ZAN: variants seen among roughly 807,000 people sequenced by gnomAD.
The protein encoded by ZAN is zonadhesin.
Under a neutral mutation model 286.2 loss-of-function variants are expected in ZAN, and 260 were observed. The ratio of observed to expected loss-of-function variants is 0.91; its 90% CI spans 0.82 to 1.01. The LOEUF (loss-of-function observed/expected upper bound fraction) is 1.01. ZAN is among the 50% of genes least tolerant of loss of function. The probability of loss-of-function intolerance (pLI) is 0.00; values close to 1 mark genes in which losing one functional copy is unlikely to be tolerated. For synonymous variants in ZAN, 1,368 were observed against 1,417.5 expected (o/e 0.97, Z 0.79); for missense variants, 3,410 against 3,639.2 (o/e 0.94, Z 1.62).
Position 100,787,897 on chromosome 7 carries a change from C to T in ZAN, c.6988C>T (p.Gln2330Ter). 3.2e-6 allele frequency: 5 copies of T among 1,559,222 alleles called. No individual in the cohort carries two copies. Among genetic ancestry groups the T allele is most frequent in the Non-Finnish European group, 4.4e-6 (5 of 1,143,900 alleles). The change falls in exon 38 of 48, where the codon CAA becomes TAA. Residue 2330 changes from glutamine (Q) to a stop codon, truncating the protein, a stop_gained. Coordinates refer to ENST00000613979, the MANE Select transcript of ZAN (RefSeq NM_003386.3). LOFTEE classifies it high-confidence loss of function. ...NSNCVSDKSE[Q>*]CSVYGDPRYL... is the part of the protein sequence containing the mutation. ...GTCTGACTTCTTGGCAGAGTCTGAA[C>T]AATGCTCAGTCTATGGCGACCCCCG... is the stretch of plus-strand genomic sequence containing the variant.
In ZAN at chr7:100,762,752, T is replaced by C. The variant is rs117223725; in HGVS notation, c.3986+394T>C. ...CCAGCCCTCCACCCGCCCTTTTTTT[T>C]TTTTTGAGATGGGATCTCCCTCTGT... On this transcript the variant is annotated intron_variant, in intron 20 of 47. Coordinates refer to ENST00000613979, the MANE Select transcript of ZAN (RefSeq NM_003386.3). Among the ~76,000 whole-genome samples, 925 of 151,216 alleles carry C rather than the reference T, an allele frequency of 6.1e-3. 41 individuals carry two copies. The highest frequency in any genetic ancestry group is 0.054 in the Admixed American group (821 of 15,134).
rs1339174397 is a variant in ZAN, at chr7:100,763,175, G to T, written c.3987-631G>T. On this transcript the variant is annotated intron_variant, in intron 20 of 47. Coordinates refer to ENST00000613979, the MANE Select transcript of ZAN (RefSeq NM_003386.3). This position sits in a 1 kb window ranked among gnomAD's most constrained non-coding sequence, Gnocchi z 4.6. ...AGACGGGGTTTCATCATGTTGGCCA[G>T]GCTGGTTTCGAACTCCTGACCTCAG... is the stretch of plus-strand genomic sequence containing the variant. 1.3e-5 allele frequency among the ~76,000 whole-genome samples: 2 copies of T among 151,990 alleles called. No individual in the cohort carries two copies. Among genetic ancestry groups the T allele is most frequent in the Non-Finnish European group, 2.9e-5 (2 of 68,008 alleles).
chr7:100,765,274 C>T (rs986585662), intron 22 of ZAN, 78 bp from the exon 23 acceptor site: 9 of 1,492,294 alleles, frequency 6.0e-6, no homozygotes, highest in South Asian at 2.5e-5. Context: ...GGGGCCCTTC[C>T]GAACGTGTCC....
At chr7:100,777,512 G>A (rs117054545) in intron 34 of ZAN, among the ~76,000 whole-genome samples, 2,786 of 152,000 alleles carry the variant, frequency 0.018, 28 homozygotes, top group Middle Eastern at 0.034. Context: ...ACACCACCAC[G>A]CCCCACGTCT....
Position 100,794,166 on chromosome 7 carries a change from G to C in ZAN, c.8033G>C (p.Cys2678Ser). ...GAGGACTGCTCTCAGCGGTGCACCT[G>C]TGCCAGCTCACGGATCCTGCTGTGT... ...LTEDCSQRCT[C>S]ASSRILLCEP... The change falls in exon 44 of 48, where the codon TGT (cysteine) becomes TCT (serine). Residue 2678 changes from cysteine (C) to serine (S), a missense_variant. Cys to Ser is a moderately radical substitution (Grantham distance 112). Coordinates refer to ENST00000613979, the MANE Select transcript of ZAN (RefSeq NM_003386.3). The C allele has an allele frequency of 6.2e-7, 1 of 1,614,034 alleles. No homozygotes were observed. The highest frequency in any genetic ancestry group is 8.5e-7 in the Non-Finnish European group (1 of 1,179,896).
At position 100,797,443 on chromosome 7, in the gene ZAN, A is replaced by C. The variant is rs1248308785; in HGVS notation, c.8344A>C (p.Ile2782Leu). ...ACTACTGGCCGTGACCAGAGAGTGC[A>C]TTTACAGAACGAGGAGGAAGAGGTG... is the stretch of plus-strand genomic sequence containing the variant. ...VVLLAVTREC[I>L]YRTRRKREKT... is the part of the protein sequence containing the mutation. Residue 2782 changes from isoleucine to leucine, a missense_variant, in exon 46 of 48, where the codon ATT becomes CTT. Physicochemically the swap from Ile to Leu is conservative, Grantham distance 5. This residue lies in a region of ZAN where 1,289 missense variants were observed against 1,314.3 expected (regional missense o/e 0.98). Transcript: ENST00000613979. 1.2e-6 allele frequency: 2 copies of C among 1,613,714 alleles called. No individual in the cohort carries two copies. The highest frequency in any genetic ancestry group is 2.7e-5 in the African/African-American group (2 of 74,882).
intron 29 of ZAN, among the ~76,000 whole-genome samples, chr7:100,772,766 A>T (rs1206312177): frequency 6.6e-6 from 1 of 150,778 alleles, no homozygotes; most frequent in East Asian, 2.0e-4. Flanking sequence ...GCTTGCAGTG[A>T]CCCAAGATCA....
rs1324326815 is a variant in ZAN, at chr7:100,753,010, C to G, written c.2905C>G (p.Pro969Ala). Residue 969 changes from proline to alanine, a missense_variant, in exon 14 of 48, where the codon CCC becomes GCC. Physicochemically the swap from Pro to Ala is conservative, Grantham distance 27. Around this residue, in one of 7 missense-constraint regions of ZAN, gnomAD observed 1,042 missense variants for 1,058.0 expected, o/e 0.98. Transcript: ENST00000613979. Reference sequence around the variant, plus strand: ...AAAACCCACCATCTCCACGGAAAAACCCACCATCCCCACGGAAAAACTTAC... The same window carrying G: ...AAAACCCACCATCTCCACGGAAAAAGCCACCATCCCCACGGAAAAACTTAC... ...TEKPTISTEK[P>A]TIPTEKLTIP... 3.7e-6 allele frequency: 6 copies of G among 1,609,574 alleles called. No homozygotes were observed. In the South Asian group the frequency reaches 6.6e-5, roughly 18 times the overall value.
Position 100,793,921 on chromosome 7 carries a change from G to T in ZAN, c.7889G>T (p.Arg2630Leu), listed in dbSNP as rs181220473. 1.2e-6 allele frequency: 2 copies of T among 1,613,968 alleles called. No homozygotes were observed. Among genetic ancestry groups the T allele is most frequent in the Non-Finnish European group, 1.7e-6 (2 of 1,179,896 alleles). ...CCCCGGGGACTGCGAGGGCCCCTGC[G>T]TGGAAGGCTGCGCCAGCATCCCAGG... Reference protein sequence around the residue: ...GRPRGLRGPLRGRLRQHPRLC... With the variant: ...GRPRGLRGPLLGRLRQHPRLC... Residue 2630 changes from arginine to leucine, a missense_variant, in exon 43 of 48, where the codon CGT becomes CTT. By Grantham distance (102) the Arg-to-Leu change is moderately radical (BLOSUM62 -2). Around this residue, in one of 7 missense-constraint regions of ZAN, gnomAD observed 1,289 missense variants for 1,314.3 expected, o/e 0.98. Coordinates refer to ENST00000613979, the MANE Select transcript of ZAN (RefSeq NM_003386.3).
Position 100,784,654 on chromosome 7 carries a change from C to T in ZAN, c.6654C>T (p.Thr2218=). 6.2e-7 allele frequency: 1 copy of T among 1,613,974 alleles called. No homozygotes were observed. Among genetic ancestry groups the T allele is most frequent in the Non-Finnish European group, 8.5e-7 (1 of 1,179,884 alleles). ...PLECPAYSSY[T]NCLPSCSPSC... ...AATGCCCTGCCTACAGCAGCTACAC[C>T]AACTGCCTTCCCTCCTGCTCACCCT... Residue 2218 remains threonine, a synonymous_variant, in exon 36 of 48, where the codon ACC becomes ACT. Transcript: ENST00000613979.
At chr7:100,748,552 A>T in intron 11 of ZAN, 82 bp downstream of exon 11, 1 of 1,520,034 alleles carries the variant, frequency 6.6e-7, no homozygotes, top group Non-Finnish European at 8.9e-7. Context: ...GACTGATGGG[A>T]GACGTTGTTT....
At chr7:100,747,024 C>A (rs1474364727) in intron 8 of ZAN, among the ~76,000 whole-genome samples, 1 of 151,890 alleles carries the variant, frequency 6.6e-6, no homozygotes, top group African/African-American at 2.4e-5. Flanking sequence ...GCGGAGGTTG[C>A]AGTGAGCCGA....
At position 100,768,968 on chromosome 7, in the gene ZAN, G is replaced by A. The variant is rs143288050; in HGVS notation, c.5153+247G>A. On this transcript the variant is annotated intron_variant, in intron 27 of 47. Coordinates refer to ENST00000613979, the MANE Select transcript of ZAN (RefSeq NM_003386.3). Reference sequence around the variant, plus strand: ...AGTGATCTCTTTGGAGGGCCCACTTGGGAAGTTCACCCTGAGGTCTAGCCT... The same window carrying A: ...AGTGATCTCTTTGGAGGGCCCACTTAGGAAGTTCACCCTGAGGTCTAGCCT... 5.9e-3 allele frequency among the ~76,000 whole-genome samples: 894 copies of A among 152,250 alleles called. 4 individuals carry two copies. Among genetic ancestry groups the A allele is most frequent in the African/African-American group, 0.019 (786 of 41,540 alleles).
Position 100,736,794 on chromosome 7 carries a change from C to T in ZAN, c.254-15C>T. On this transcript the variant is annotated splice_polypyrimidine_tract_variant and intron_variant, in intron 4 of 47. Transcript: ENST00000613979. ...GGTGGCTGGGCCTCAGTGTCTTGGG[C>T]TCTGCCTCCCCCAGAGGGCAGCTAT... 6.8e-7 allele frequency: 1 copy of T among 1,464,866 alleles called. No individual in the cohort carries two copies. 90.7% of individuals were successfully genotyped at this position (1,464,866 alleles called of 1,614,324 possible).
Position 100,767,025 on chromosome 7 carries a change from C to T in ZAN, c.4628C>T (p.Thr1543Ile), listed in dbSNP as rs1365206642. 1 of 1,613,880 alleles carries T rather than the reference C, an allele frequency of 6.2e-7. No homozygotes were observed. The highest frequency in any genetic ancestry group is 8.5e-7 in the Non-Finnish European group (1 of 1,179,838). ...TTCTCCACAGGTGCCGCCACCTGCA[C>T]AGCCTCGGGTGACCCCCACTACCTG... ...GCHAQGAATC[T>I]ASGDPHYLTF... The change falls in exon 25 of 48, where the codon ACA becomes ATA. Residue 1543 changes from threonine (T) to isoleucine (I), a missense_variant. Coordinates refer to ENST00000613979, the MANE Select transcript of ZAN (RefSeq NM_003386.3).
Position 100,795,193 on chromosome 7 carries a change from C to A in ZAN, c.8126-3C>A. 1.2e-6 allele frequency: 2 copies of A among 1,606,740 alleles called. No individual in the cohort carries two copies. Among genetic ancestry groups the A allele is most frequent in the Non-Finnish European group, 1.7e-6 (2 of 1,176,616 alleles). ...CCTCCCACAACCCTCTCTGTCCTTGCAGAAAGCCCGTGTCTGCAGAACCCC... is the reference window on the plus strand; with the variant it reads ...CCTCCCACAACCCTCTCTGTCCTTGAAGAAAGCCCGTGTCTGCAGAACCCC... On this transcript the variant is annotated splice_region_variant and splice_polypyrimidine_tract_variant and intron_variant, in intron 44 of 47. Transcript: ENST00000613979.
intron 31 of ZAN, 115 bp downstream of exon 31, chr7:100,773,980 T>C: frequency 7.1e-7 from 1 of 1,413,692 alleles, no homozygotes; most frequent in Non-Finnish European, 9.5e-7. Flanking sequence ...CTGGTAACTC[T>C]GCTGCAACCA....
Position 100,737,061 on chromosome 7 carries a change from G to A in ZAN, c.506G>A (p.Gly169Glu), listed in dbSNP as rs751638391. 1.0e-5 allele frequency: 15 copies of A among 1,496,828 alleles called. 2 individuals are homozygous for A. Among genetic ancestry groups the A allele is most frequent in the Non-Finnish European group, 1.4e-5 (15 of 1,094,552 alleles). The allele number at this position is 1,496,828 out of a possible 1,614,324, so 92.7% of individuals were successfully genotyped here. Residue 169 changes from glycine to glutamate, a missense_variant, in exon 5 of 48, where the codon GGG (glycine) becomes GAG (glutamate). By Grantham distance (98) the Gly-to-Glu change is moderately conservative. This residue lies in a region of ZAN where 872 missense variants were observed against 938.9 expected (regional missense o/e 0.93). Transcript: ENST00000613979. ...WMLTTVTVPA[G>E]FTLPTRLMFE... The stretch of plus-strand genomic sequence containing the variant: ...CTCACCACCGTCACTGTGCCCGCAG[G>A]GTTCACCCTGCCCACCCGGGTAAGG...
chr7:100,776,690 CTT>C (rs1387519527), intron 34 of ZAN, 126 bp downstream of exon 34: 2 of 344,418 alleles, frequency 5.8e-6, no homozygotes, highest in East Asian at 8.1e-5. Flanking sequence ...TCCTTTCTCT[CTT>C]TCTCTTTCTT....
Sources: allele counts gnomAD v4.1 joint callset (sites outside exome capture counted in the v4.1 genomes callset), GRCh38; gene constraint gnomAD v4.1.1; regional missense constraint gnomAD v4.1.1; non-coding constraint Gnocchi (gnomAD v3.1); transcripts MANE v1.5; gene names NCBI Gene and HGNC (gene_info 2026-07-23, HGNC 2026-07-21).